Variants in SCHIP1 observed in about 807,000 individuals in gnomAD.
SCHIP1 encodes schwannomin interacting protein 1.
SCHIP1 carries 8 observed loss-of-function variants against 29.7 expected under a neutral mutation model. That is an observed-to-expected ratio of 0.27 (90% CI 0.16 to 0.49). The LOEUF (loss-of-function observed/expected upper bound fraction) is 0.49. SCHIP1 is among the 20% of genes least tolerant of loss of function. The probability of loss-of-function intolerance (pLI) is 0.99; values close to 1 mark genes in which losing one functional copy is unlikely to be tolerated. For missense variants in SCHIP1, 193 were observed against 294.6 expected, an observed-to-expected ratio of 0.66 and a Z score of 2.52; for synonymous variants, 76 against 94.9, an observed-to-expected ratio of 0.80 and a Z score of 1.16.
the SCHIP1 span, among the ~76,000 whole-genome samples, chr3:159,529,859 T>C: frequency 8.4e-3 from 1,273 of 152,312 alleles, 13 homozygotes; most frequent in Non-Finnish European, 0.013. Flanking sequence ...ATGAAATATT[T>C]GTCTTTCTGT....
the SCHIP1 span, among the ~76,000 whole-genome samples, chr3:159,296,964 T>A: frequency 6.6e-6 from 1 of 152,164 alleles, no homozygotes; most frequent in East Asian, 1.9e-4. Context: ...CGTTCTACTG[T>A]CTACTTCTAT....
At chr3:159,604,323 A>G in the SCHIP1 span, among the ~76,000 whole-genome samples, 2 of 152,316 alleles carry the variant, frequency 1.3e-5, no homozygotes, top group Non-Finnish European at 2.9e-5. Flanking sequence ...CGATTATTGT[A>G]TCTTCCCTTG....
At chr3:159,679,139 C>T in the SCHIP1 span, among the ~76,000 whole-genome samples, 4 of 152,150 alleles carry the variant, frequency 2.6e-5, no homozygotes, top group African/African-American at 9.7e-5. Context: ...AAATTTGAAT[C>T]ATGACTGTCT....
At chr3:159,417,305 T>C in the SCHIP1 span, among the ~76,000 whole-genome samples, 1 of 152,186 alleles carries the variant, frequency 6.6e-6, no homozygotes, top group Non-Finnish European at 1.5e-5. Flanking sequence ...AGAAGAAATT[T>C]GGGGTTCCAA....
chr3:159,765,125 C>G, the SCHIP1 span: 2 of 1,565,126 alleles, frequency 1.3e-6, no homozygotes, highest in African/African-American at 2.7e-5. Flanking sequence ...CAGGCGAGGA[C>G]CAACTCCACC....
At chr3:159,498,676 A>T in the SCHIP1 span, among the ~76,000 whole-genome samples, 1 of 152,202 alleles carries the variant, frequency 6.6e-6, no homozygotes. Flanking sequence ...CCTAAAAAAA[A>T]AAAATCAGTT....
the SCHIP1 span, among the ~76,000 whole-genome samples, chr3:159,693,884 A>C: frequency 6.6e-6 from 1 of 152,230 alleles, no homozygotes; most frequent in Non-Finnish European, 1.5e-5. Flanking sequence ...TCATTTATAG[A>C]ATGGTAGAGC....
chr3:159,828,272 CTTTGA>C, the SCHIP1 span, among the ~76,000 whole-genome samples: 1 of 150,374 alleles, frequency 6.7e-6, no homozygotes, highest in Non-Finnish European at 1.5e-5. Context: ...AGAACCAGGT[CTTTGA>C]TTTGATCCAA....
chr3:159,480,672 T>C, the SCHIP1 span, among the ~76,000 whole-genome samples: 1 of 152,116 alleles, frequency 6.6e-6, no homozygotes, highest in South Asian at 2.1e-4. Flanking sequence ...TCTCCTCCCT[T>C]CCCACCTCCT....
At chr3:159,280,860 C>G in the SCHIP1 span, among the ~76,000 whole-genome samples, 1 of 152,108 alleles carries the variant, frequency 6.6e-6, no homozygotes, top group African/African-American at 2.4e-5. Context: ...CAGTGTCCCA[C>G]AAACAGACAA....
chr3:159,421,581 T>C, the SCHIP1 span, among the ~76,000 whole-genome samples: 1 of 152,234 alleles, frequency 6.6e-6, no homozygotes, highest in Non-Finnish European at 1.5e-5. Flanking sequence ...CACAGATATG[T>C]CTAATGCCAG....
At chr3:159,434,714 T>C in the SCHIP1 span, among the ~76,000 whole-genome samples, 1 of 152,182 alleles carries the variant, frequency 6.6e-6, no homozygotes, top group Non-Finnish European at 1.5e-5. Context: ...ATTCTCATCT[T>C]TAAAGAAGGC....
chr3:159,664,198 C>T, the SCHIP1 span, among the ~76,000 whole-genome samples: 7 of 152,242 alleles, frequency 4.6e-5, 1 homozygote, highest in African/African-American at 1.4e-4. Flanking sequence ...GGCACAGTGC[C>T]CTTTCCCCAG....
the SCHIP1 span, among the ~76,000 whole-genome samples, chr3:159,801,135 C>T: frequency 6.6e-6 from 1 of 151,994 alleles, no homozygotes; most frequent in South Asian, 2.1e-4. Flanking sequence ...ATACGAGTGA[C>T]TCAAATTTAG....
At chr3:159,396,156 T>C in the SCHIP1 span, among the ~76,000 whole-genome samples, 2 of 144,604 alleles carry the variant, frequency 1.4e-5, no homozygotes, top group East Asian at 4.2e-4. Flanking sequence ...TGCCTTTTTT[T>C]GTTTTCCATT....
At chr3:159,307,988 T>C in the SCHIP1 span, among the ~76,000 whole-genome samples, 1 of 152,144 alleles carries the variant, frequency 6.6e-6, no homozygotes, top group Non-Finnish European at 1.5e-5. Context: ...TTACAGTATA[T>C]ATATTTTGAT....
At chr3:159,585,462 T>C in the SCHIP1 span, among the ~76,000 whole-genome samples, 1 of 152,144 alleles carries the variant, frequency 6.6e-6, no homozygotes. Flanking sequence ...ATGTGCTACT[T>C]GGAAGGATGG....
chr3:159,324,796 A>C, the SCHIP1 span, among the ~76,000 whole-genome samples: 3 of 152,162 alleles, frequency 2.0e-5, no homozygotes, highest in African/African-American at 7.2e-5. Context: ...CTGGAATTCT[A>C]ATCCATTTTT....
the SCHIP1 span, among the ~76,000 whole-genome samples, chr3:159,708,508 C>T: frequency 1.3e-3 from 200 of 152,252 alleles, no homozygotes; most frequent in African/African-American, 4.5e-3. Flanking sequence ...GAAATAGGCA[C>T]GAATGAAAGT....
Sources: gnomAD v4.1 joint callset for allele counts (sites outside exome capture counted in the v4.1 genomes callset) on GRCh38, gnomAD v4.1.1 for gene constraint, MANE v1.5 for transcripts, NCBI Gene and HGNC (gene_info 2026-07-23, HGNC 2026-07-21) for gene names.